HECW2: variants seen among roughly 807,000 people sequenced by gnomAD.
The protein encoded by HECW2 is E3 ubiquitin-protein ligase HECW2.
A neutral mutation model predicts 175.2 loss-of-function variants in HECW2; 61 were observed. That is an observed-to-expected ratio of 0.35 (90% CI 0.28 to 0.43). The LOEUF (loss-of-function observed/expected upper bound fraction) is 0.43, where lower values mean the gene tolerates loss of function less well. Ranked by LOEUF, HECW2 falls within the 20% of genes least tolerant of loss-of-function variation. The pLI is 1.00. For missense variants in HECW2, 1,524 were observed against 2,000.5 expected, an observed-to-expected ratio of 0.76 and a Z score of 4.54; for synonymous variants, 671 against 731.0, an observed-to-expected ratio of 0.92 and a Z score of 1.32.
At chr2:196,487,666 C>T (rs1404313820) in intron 1 of HECW2, among the ~76,000 whole-genome samples, 3 of 152,292 alleles carry the variant, frequency 2.0e-5, no homozygotes, top group South Asian at 2.1e-4. Context: ...CTGACACACA[C>T]GGTCTTCTAA....
At chr2:196,388,477 T>C (rs562426004) in intron 2 of HECW2, among the ~76,000 whole-genome samples, 1 of 152,296 alleles carries the variant, frequency 6.6e-6, no homozygotes, top group East Asian at 1.9e-4. Flanking sequence ...ATAAATTAGA[T>C]GCTATTATCA....
intron 1 of HECW2, among the ~76,000 whole-genome samples, chr2:196,439,989 G>A (rs1160009845): frequency 6.6e-6 from 1 of 152,132 alleles, no homozygotes; most frequent in African/African-American, 2.4e-5. Context: ...ATAAAAGTGA[G>A]GGTGAAATTA....
intron 2 of HECW2, among the ~76,000 whole-genome samples, chr2:196,399,374 A>C (rs1264356156): frequency 6.6e-6 from 1 of 152,236 alleles, no homozygotes; most frequent in Non-Finnish European, 1.5e-5. Context: ...CCCTGGCAGC[A>C]GACTACTCTG....
intron 1 of HECW2, among the ~76,000 whole-genome samples, chr2:196,458,539 C>T (rs1696607671): frequency 6.6e-6 from 1 of 152,062 alleles, no homozygotes; most frequent in Non-Finnish European, 1.5e-5. Context: ...CTCTAAAAAG[C>T]TCCAGATGGA....
At chr2:196,520,538 T>C (rs573657321) in intron 1 of HECW2, among the ~76,000 whole-genome samples, 113 of 152,348 alleles carry the variant, frequency 7.4e-4, no homozygotes, top group African/African-American at 2.7e-3. Context: ...TGTTTTTACA[T>C]TCTTGCTAAT....
At chr2:196,514,763 G>C (rs1392783373) in intron 1 of HECW2, among the ~76,000 whole-genome samples, 4 of 152,132 alleles carry the variant, frequency 2.6e-5, no homozygotes, top group African/African-American at 9.7e-5. Context: ...TTGCAGAAAG[G>C]AGCTACCCAC....
At chr2:196,379,306 T>A (rs1369759672) in intron 2 of HECW2, among the ~76,000 whole-genome samples, 1 of 152,158 alleles carries the variant, frequency 6.6e-6, no homozygotes, top group Non-Finnish European at 1.5e-5. Context: ...ACTTTTGAGG[T>A]GCTGAGAATA....
intron 1 of HECW2, among the ~76,000 whole-genome samples, chr2:196,562,627 G>A (rs1037066998): frequency 2.6e-5 from 4 of 152,178 alleles, no homozygotes; most frequent in African/African-American, 9.7e-5. Context: ...GAAGCAGGAG[G>A]GACAGAGCAG....
At chr2:196,331,249 T>G (rs1181830500) in intron 4 of HECW2, 1 of 984,538 alleles carries the variant, frequency 1.0e-6, no homozygotes, top group Non-Finnish European at 1.2e-6. Flanking sequence ...AACAAACATG[T>G]GTGGTTTATT....
intron 14 of HECW2, among the ~76,000 whole-genome samples, chr2:196,282,723 T>C (rs999720487): frequency 3.9e-5 from 6 of 152,196 alleles, no homozygotes; most frequent in Non-Finnish European, 5.9e-5. Context: ...TCAGAGAGAA[T>C]AGACTGTAAA....
intron 14 of HECW2, among the ~76,000 whole-genome samples, chr2:196,280,221 T>G (rs1690133995): frequency 6.6e-6 from 1 of 152,190 alleles, no homozygotes; most frequent in Non-Finnish European, 1.5e-5. Flanking sequence ...TCAAGGCACA[T>G]GATGTATGCC....
At chr2:196,449,848 T>C (rs1187738559) in intron 1 of HECW2, among the ~76,000 whole-genome samples, 2 of 152,158 alleles carry the variant, frequency 1.3e-5, no homozygotes, top group Non-Finnish European at 2.9e-5. Context: ...TTTAAATTTA[T>C]AGAAAGATAA....
intron 2 of HECW2, among the ~76,000 whole-genome samples, chr2:196,413,587 C>G (rs189731136): frequency 8.5e-5 from 13 of 152,268 alleles, no homozygotes; most frequent in African/African-American, 2.9e-4. Flanking sequence ...TCAGCTGATA[C>G]ACCCGCCTTG....
intron 5 of HECW2, among the ~76,000 whole-genome samples, chr2:196,328,066 AT>A (rs397702317): frequency 2.0e-5 from 3 of 151,302 alleles, no homozygotes; most frequent in African/African-American, 7.3e-5. Context: ...CCATAAAAAA[AT>A]TTTTTTTACC....
At chr2:196,439,763 G>A (rs775586711) in intron 1 of HECW2, among the ~76,000 whole-genome samples, 7 of 152,160 alleles carry the variant, frequency 4.6e-5, no homozygotes, top group Non-Finnish European at 1.0e-4. Context: ...GGCAAAAATA[G>A]GAAAGGGAAG....
intron 1 of HECW2, among the ~76,000 whole-genome samples, chr2:196,573,633 T>G (rs184539301): frequency 2.6e-5 from 4 of 152,116 alleles, no homozygotes; most frequent in African/African-American, 9.6e-5. Flanking sequence ...GCCCACTCAA[T>G]GGGAAAAGCC....
Position 196,242,110 on chromosome 2 carries a change from T to C in HECW2, c.3624A>G (p.Gly1208=). The C allele has an allele frequency of 1.9e-6, 3 of 1,614,172 alleles. No homozygotes were observed. The highest frequency in any genetic ancestry group is 2.5e-6 in the Non-Finnish European group (3 of 1,179,988). ...TTAACTTCCCTGGGCCTTGTCCATA[T>C]CCTTTAGTCTCTAACTTCCTGTAAA... ...RNFYRKLETK[G]YGQGPGKLKL... The change falls in exon 20 of 29, where the codon GGA becomes GGG. Residue 1208 remains glycine, a synonymous_variant. Transcript: ENST00000644978.
intron 2 of HECW2, among the ~76,000 whole-genome samples, chr2:196,365,709 G>A (rs915376024): frequency 2.0e-5 from 3 of 152,110 alleles, no homozygotes; most frequent in African/African-American, 7.2e-5. Flanking sequence ...TACAAAATAC[G>A]TGTATTTTTA....
Position 196,247,688 on chromosome 2 carries a change from A to T in HECW2, c.3530-5484T>A, listed in dbSNP as rs544388089. Reference sequence around the variant, plus strand: ...TTCATATACTGTTACAAAATTGCATAATCATATACAAACTAAAGAATTCTA... The same window carrying T: ...TTCATATACTGTTACAAAATTGCATTATCATATACAAACTAAAGAATTCTA... On this transcript the variant is annotated intron_variant, in intron 19 of 28. Coordinates refer to ENST00000644978, the MANE Select transcript of HECW2 (RefSeq NM_001348768.2). Among the ~76,000 whole-genome samples the T allele has an allele frequency of 5.9e-5, 9 of 152,356 alleles. No homozygotes were observed. In the East Asian group the frequency reaches 1.5e-3, roughly 26 times the overall value.
Sources: gnomAD v4.1 joint callset for allele counts (sites outside exome capture counted in the v4.1 genomes callset) on GRCh38, gnomAD v4.1.1 for gene constraint, MANE v1.5 for transcripts, NCBI Gene and HGNC (gene_info 2026-07-23, HGNC 2026-07-21) for gene names.